Variants in ANO10 observed in about 807,000 individuals in gnomAD.
ANO10 encodes anoctamin-10.
ANO10 carries 77 observed loss-of-function variants against 74.7 expected under a neutral mutation model. That is an observed-to-expected ratio of 1.03 (90% CI 0.86 to 1.25). The LOEUF (loss-of-function observed/expected upper bound fraction) is 1.25. Ranked by LOEUF, ANO10 falls within the 50% of genes most tolerant of loss-of-function variation. The pLI, the probability that ANO10 is intolerant of heterozygous loss-of-function variation, is 0.00. For missense variants in ANO10, 721 were observed against 778.1 expected (o/e 0.93, Z 0.87); for synonymous variants, 279 against 284.9 (o/e 0.98, Z 0.21).
rs2083525911 is a variant in ANO10 at position 43,629,548 on chromosome 3, G to A, written c.-11-23685C>T. Among the ~76,000 whole-genome samples, 4 of 152,344 alleles carry A rather than the reference G, an allele frequency of 2.6e-5. No individual in the cohort carries two copies. The South Asian group carries it at 8.3e-4, about 32-fold the overall frequency. ...CTTCTGTGTTGAGATACACAGCAGA[G>A]ACACAAGGATGGAAGCTGGCTGTTG... On this transcript the variant is annotated intron_variant, in intron 1 of 3. Coordinates refer to the ANO10 transcript ENST00000413397.
At chr3:43,662,677 C>A (rs969534576) in intron 1 of ANO10, among the ~76,000 whole-genome samples, 2 of 151,886 alleles carry the variant, frequency 1.3e-5, no homozygotes, top group Non-Finnish European at 2.9e-5. Context: ...AGAGAAGAAT[C>A]AAATAGATGC....
intron 1 of ANO10, among the ~76,000 whole-genome samples, chr3:43,655,472 T>C (rs912385816): frequency 6.6e-6 from 1 of 152,172 alleles, no homozygotes; most frequent in Non-Finnish European, 1.5e-5. Flanking sequence ...ACAAAGCTTC[T>C]ACAGTGTGGG....
chr3:43,606,229 C>G (rs1420350762), intron 1 of ANO10, among the ~76,000 whole-genome samples: 1 of 152,030 alleles, frequency 6.6e-6, no homozygotes, highest in African/African-American at 2.4e-5. Context: ...GCCAGATACA[C>G]AATGAGAGGT....
chr3:43,482,927 G>A (rs2076327377), intron 11 of ANO10, among the ~76,000 whole-genome samples: 1 of 152,164 alleles, frequency 6.6e-6, no homozygotes, highest in African/African-American at 2.4e-5. Context: ...AGTCAGCTGA[G>A]GGAGGAGGGC....
At chr3:43,563,335 G>A (rs1344347498) in intron 8 of ANO10, among the ~76,000 whole-genome samples, 8 of 151,126 alleles carry the variant, frequency 5.3e-5, no homozygotes, top group African/African-American at 9.7e-5. Flanking sequence ...TGACAAGAAC[G>A]TGCAACAAAG....
At chr3:43,449,021 G>T (rs988710250) in intron 11 of ANO10, among the ~76,000 whole-genome samples, 1 of 151,704 alleles carries the variant, frequency 6.6e-6, no homozygotes, top group African/African-American at 2.4e-5. Flanking sequence ...ACAGGTACCC[G>T]CCACCATGCC....
chr3:43,585,726 T>A (rs2081452888), intron 4 of ANO10, among the ~76,000 whole-genome samples: 1 of 152,228 alleles, frequency 6.6e-6, no homozygotes, highest in South Asian at 2.1e-4. Flanking sequence ...TGCCCCAGTC[T>A]GCTTTGTATT....
intron 1 of ANO10, among the ~76,000 whole-genome samples, chr3:43,629,636 G>A (rs1382278332): frequency 6.6e-6 from 1 of 152,192 alleles, no homozygotes; most frequent in Admixed American, 6.5e-5. Context: ...CTGATGAGAA[G>A]TAGTTGGATT....
chr3:43,684,487 T>C (rs1263890177), intron 1 of ANO10, among the ~76,000 whole-genome samples: 9 of 152,246 alleles, frequency 5.9e-5, no homozygotes, highest in Non-Finnish European at 1.2e-4. Flanking sequence ...TTGGTGGGAC[T>C]GTAAACTCGT....
chr3:43,618,698 G>A (rs554484471), intron 1 of ANO10, among the ~76,000 whole-genome samples: 2 of 152,270 alleles, frequency 1.3e-5, no homozygotes, highest in Non-Finnish European at 2.9e-5. Flanking sequence ...TAATAAAAGA[G>A]ATAATAAGCA....
intron 1 of ANO10, among the ~76,000 whole-genome samples, chr3:43,646,099 C>T (rs564629394): frequency 9.8e-5 from 15 of 152,326 alleles, no homozygotes; most frequent in African/African-American, 3.4e-4. Flanking sequence ...TGAGCCACTG[C>T]GCCTGGCCTC....
Position 43,570,140 on chromosome 3 carries a change from C to T in ANO10, c.1219-4413G>A, listed in dbSNP as rs1169854934. 7.7e-5 allele frequency among the ~76,000 whole-genome samples: 11 copies of T among 142,176 alleles called. No individual in the cohort carries two copies. The East Asian group carries it at 1.1e-3, about 14-fold the overall frequency. The allele number at this position is 142,176 out of a possible 152,430, so 93.3% of individuals were successfully genotyped here. ...CCAACTTACAAGGGATGTGAAGGAC[C>T]TCTTCAAGGAGAACTACAAACCACT... On this transcript the variant is annotated intron_variant, in intron 7 of 12. Transcript: ENST00000292246.
chr3:43,520,275 A>G (rs2077892593), intron 11 of ANO10, among the ~76,000 whole-genome samples: 1 of 152,202 alleles, frequency 6.6e-6, no homozygotes, highest in South Asian at 2.1e-4. Context: ...AGGCTGCTAT[A>G]AACAAAATGC....
rs533806796 is a variant in ANO10, at chr3:43,426,582, A to T, written c.1914+6029T>A. On this transcript the variant is annotated intron_variant, in intron 12 of 12. Transcript: ENST00000292246. ...CTTCTGTGTGTTCTGGGCTCCCAGG[A>T]GGGCTGACTGCCCAGAAGCAGGTTA... is the stretch of plus-strand genomic sequence containing the variant. 1.4e-4 allele frequency among the ~76,000 whole-genome samples: 21 copies of T among 152,266 alleles called. 1 individual carries two copies. The highest frequency in any genetic ancestry group is 1.4e-3 in the Admixed American group (21 of 15,288).
intron 1 of ANO10, among the ~76,000 whole-genome samples, chr3:43,617,167 G>T (rs1185446328): frequency 3.4e-5 from 5 of 148,668 alleles, no homozygotes; most frequent in African/African-American, 1.0e-4. Flanking sequence ...CCAAGCATAC[G>T]AGATGAAAAA....
intron 1 of ANO10, among the ~76,000 whole-genome samples, chr3:43,648,382 T>G (rs971957070): frequency 6.6e-6 from 1 of 152,042 alleles, no homozygotes; most frequent in Middle Eastern, 3.2e-3. Context: ...GGCGAGTCCA[T>G]AGAGTAAAGT....
intron 1 of ANO10, among the ~76,000 whole-genome samples, chr3:43,632,467 G>T (rs2083558610): frequency 6.6e-6 from 1 of 152,272 alleles, no homozygotes; most frequent in Non-Finnish European, 1.5e-5. Flanking sequence ...TGGAGTAACT[G>T]CTTCCGCTCC....
At chr3:43,574,058 G>A (rs1002376685) in intron 7 of ANO10, among the ~76,000 whole-genome samples, 3 of 151,686 alleles carry the variant, frequency 2.0e-5, no homozygotes, top group African/African-American at 7.3e-5. Context: ...GGGTTCAAGC[G>A]ATTCTCCTGC....
At chr3:43,639,444 G>A (rs2083648829) in intron 1 of ANO10, among the ~76,000 whole-genome samples, 1 of 152,146 alleles carries the variant, frequency 6.6e-6, no homozygotes, top group African/African-American at 2.4e-5. Flanking sequence ...ACTAAAATAA[G>A]TTGAAGAATC....
Sources: gnomAD v4.1 joint callset for allele counts (sites outside exome capture counted in the v4.1 genomes callset) on GRCh38, gnomAD v4.1.1 for gene constraint, MANE v1.5 for transcripts, NCBI Gene and HGNC (gene_info 2026-07-23, HGNC 2026-07-21) for gene names.